The following RPL4 variants were observed in gnomAD, a reference collection of about 807,000 sequenced individuals.
RPL4 encodes the protein large ribosomal subunit protein uL4.
A neutral mutation model predicts 47.7 loss-of-function variants in RPL4; 3 were observed. That is an observed-to-expected ratio of 0.06 (90% confidence interval 0.03 to 0.16). RPL4 has a LOEUF of 0.16. Ranked by LOEUF, RPL4 falls within the 10% of genes least tolerant of loss-of-function variation. The pLI, the probability that RPL4 is intolerant of heterozygous loss-of-function variation, is 1.00. For missense variants in RPL4, 413 were observed against 551.3 expected (o/e 0.75, Z 2.51); for synonymous variants, 208 against 182.1 (o/e 1.14, Z -1.15).
rs2140718086 is a variant in RPL4, at chr15:66,503,362, T to C, written c.171A>G (p.Leu57=). The C allele has an allele frequency of 6.2e-7, 1 of 1,610,252 alleles. No homozygotes were observed. Among genetic ancestry groups the C allele is most frequent in the South Asian group, 1.1e-5 (1 of 90,994 alleles). Residue 57 remains leucine (L), a synonymous_variant, in exon 2 of 10, where the codon TTA becomes TTG. Coordinates refer to ENST00000307961, the MANE Select transcript of RPL4 (RefSeq NM_000968.4). ...GCAGAAGATATAAATCCATACCTGC[T>C]AATTCACTGACAGCATAGGGCTGTC... is the stretch of plus-strand genomic sequence containing the variant. ...NNRQPYAVSE[L]AGHQTSAESW... is the part of the protein sequence containing the mutation.
rs1386771983 is a variant in RPL4 at position 66,503,489 on chromosome 15, C to T, written c.44G>A (p.Gly15Glu). Residue 15 changes from glycine (G) to glutamate (E), a missense_variant, in exon 2 of 10, where the codon GGG becomes GAG. Coordinates refer to ENST00000307961, the MANE Select transcript of RPL4 (RefSeq NM_000968.4). ...AGTGACATTTTTGCCAGATGACTCC[C>T]CCTTTTCGGAGTACACCGATATCAG... Reference protein sequence around the residue: ...RPLISVYSEKGESSGKNVTLP... With the variant: ...RPLISVYSEKEESSGKNVTLP... 3 of 1,610,772 alleles carry T rather than the reference C, an allele frequency of 1.9e-6. No homozygotes were observed. Among genetic ancestry groups the T allele is most frequent in the African/African-American group, 2.7e-5 (2 of 74,890 alleles).
chr15:66,504,669 T>G, intron 1 of RPL4, 119 bp downstream of exon 1: 5 of 1,449,498 alleles, frequency 3.4e-6, no homozygotes, highest in Non-Finnish European at 4.7e-6. Context: ...AAAGACGCCT[T>G]TGGTCCTCAT....
chr15:66,502,166 C>T, intron 4 of RPL4: 1 of 603,748 alleles, frequency 1.7e-6, no homozygotes, highest in South Asian at 1.6e-5. Context: ...TACTAAACTA[C>T]TACTTGAATA....
At chr15:66,504,153 A>G (rs539164859) in intron 1 of RPL4, among the ~76,000 whole-genome samples, 1 of 152,188 alleles carries the variant, frequency 6.6e-6, no homozygotes, top group South Asian at 2.1e-4. Flanking sequence ...CACATCCTTC[A>G]GGCCACTTTA....
chr15:66,501,947 T>C, intron 4 of RPL4, 35 bp from the exon 5 acceptor site: 1 of 1,587,802 alleles, frequency 6.3e-7, no homozygotes, highest in Non-Finnish European at 8.6e-7. Context: ...TTGGTTATCC[T>C]GAAACTTTTG....
intron 1 of RPL4, 98 bp from the exon 2 acceptor site, chr15:66,503,627 G>A (rs1301769649): frequency 7.5e-7 from 1 of 1,330,020 alleles, no homozygotes; most frequent in South Asian, 1.6e-5. Context: ...AATTGCAGAA[G>A]AGACTGGTAT....
At position 66,500,963 on chromosome 15, in the gene RPL4, G is replaced by A; in HGVS notation, c.819C>T (p.Leu273=). 1 of 1,613,864 alleles carries A rather than the reference G, an allele frequency of 6.2e-7. No individual in the cohort carries two copies. The highest frequency in any genetic ancestry group is 1.1e-5 in the South Asian group (1 of 91,034). ...LYGTWRKAAS[L]KSNYNLPMHK... ...AAGATACTTACTTGTAGTTACTCTT[G>A]AGGGAAGCGGCTTTACGCCAAGTGC... is the stretch of plus-strand genomic sequence containing the variant. The change falls in exon 7 of 10, where the codon CTC becomes CTT. Residue 273 remains leucine, a synonymous_variant. Transcript: ENST00000307961.
rs1893613758 is a variant in RPL4 at position 66,501,477 on chromosome 15, C to T, written c.574G>A (p.Gly192Ser). 1 of 1,614,050 alleles carries T rather than the reference C, an allele frequency of 6.2e-7. No individual in the cohort carries two copies. The highest frequency in any genetic ancestry group is 1.3e-5 in the African/African-American group (1 of 74,918). The change falls in exon 6 of 10, where the codon GGC (glycine) becomes AGC (serine). Residue 192 changes from glycine (G) to serine (S), a missense_variant. Physicochemically the swap from Gly to Ser is moderately conservative, Grantham distance 56. Transcript: ENST00000307961. ...CGACGGTTTCTCATTTTGCCTTTGCCAGCTCTCATTCGCTGAGAGGCATAG... is the reference window on the plus strand; with the variant it reads ...CGACGGTTTCTCATTTTGCCTTTGCTAGCTCTCATTCGCTGAGAGGCATAG... ...KVYASQRMRA[G>S]KGKMRNRRRI...
At chr15:66,504,678 ATCTCCC>A in intron 1 of RPL4, 104 bp downstream of exon 1, 1 of 1,498,488 alleles carries the variant, frequency 6.7e-7, no homozygotes, top group South Asian at 1.2e-5. Context: ...TTTGGTCCTC[ATCTCCC>A]TCTCCTCGCT....
At chr15:66,500,767 G>C in intron 7 of RPL4, 182 bp downstream of exon 7, 1 of 697,354 alleles carries the variant, frequency 1.4e-6, no homozygotes, top group Non-Finnish European at 2.4e-6. Flanking sequence ...GGGTGAGACA[G>C]AACAACTCTG....
Position 66,501,092 on chromosome 15 carries a change from A to G in RPL4, c.690T>C (p.Leu230=). The part of the protein sequence containing the change: ...AFRNIPGITL[L]NVSKLNILKL... ...TCAAAATGTTCAGCTTGCTTACATT[A>G]AGCAGAGTAATTCCTTTTAAAGGGA... Residue 230 remains leucine, a synonymous_variant, in exon 7 of 10, where the codon CTT becomes CTC. Coordinates refer to ENST00000307961, the MANE Select transcript of RPL4 (RefSeq NM_000968.4). 4 of 1,613,594 alleles carry G rather than the reference A, an allele frequency of 2.5e-6. No individual in the cohort carries two copies. The highest frequency in any genetic ancestry group is 3.4e-6 in the Non-Finnish European group (4 of 1,179,918).
At chr15:66,501,354 A>T in intron 6 of RPL4, 21 bp downstream of exon 6, 1 of 1,614,076 alleles carries the variant, frequency 6.2e-7, no homozygotes, top group African/African-American at 1.3e-5. Context: ...CCTAGTCAAT[A>T]TATGTAAGCA....
chr15:66,502,323 T>A, intron 4 of RPL4: 1 of 408,378 alleles, frequency 2.4e-6, no homozygotes. Flanking sequence ...AAAGAAAAAG[T>A]GGGGCATTTT....
intron 7 of RPL4, 146 bp downstream of exon 7, chr15:66,500,803 A>T: frequency 1.0e-6 from 1 of 992,716 alleles, no homozygotes; most frequent in Non-Finnish European, 1.5e-6. Context: ...AAAAAACCAA[A>T]AATATAGACC....
At chr15:66,504,092 G>A (rs1308543454) in intron 1 of RPL4, among the ~76,000 whole-genome samples, 1 of 152,128 alleles carries the variant, frequency 6.6e-6, no homozygotes, top group African/African-American at 2.4e-5. Context: ...CCCAGCACTT[G>A]CCTCAGACTT....
rs1893512272 is a variant in RPL4 at position 66,498,109 on chromosome 15, G to A, written c.*1298C>T. On this transcript the variant is annotated 3_prime_UTR_variant, in exon 10 of 10. Transcript: ENST00000307961. ...CCGGGTGAACAGCACTTCCAATGTG[G>A]TGTGCCACCAAGTGGCTATCTTTAA... 4.0e-6 allele frequency: 1 copy of A among 247,192 alleles called. No individual in the cohort carries two copies. Among genetic ancestry groups the A allele is most frequent in the South Asian group, 6.6e-5 (1 of 15,068 alleles). 15.3% of individuals were successfully genotyped at this position (247,192 alleles called of 1,614,324 possible).
intron 2 of RPL4, 91 bp from the exon 3 acceptor site, chr15:66,503,255 T>A: frequency 6.3e-7 from 1 of 1,586,230 alleles, no homozygotes; most frequent in South Asian, 1.1e-5. Context: ...CATCAGAACA[T>A]CCGAGAAAAT....
chr15:66,499,357 G>C lies in RPL4; in HGVS notation c.*50C>G, dbSNP rs778069539. 6.4e-7 allele frequency: 1 copy of C among 1,561,612 alleles called. No homozygotes were observed. The highest frequency in any genetic ancestry group is 8.6e-7 in the Non-Finnish European group (1 of 1,160,724). ...TGTATAATCAGGTCTTTATTCAAAA[G>C]AAGCTGTCCAAAATGATTTGACCTT... On this transcript the variant is annotated 3_prime_UTR_variant, in exon 10 of 10. Coordinates refer to ENST00000307961, the MANE Select transcript of RPL4 (RefSeq NM_000968.4).
At position 66,498,082 on chromosome 15, in the gene RPL4, G is replaced by A. The variant is rs1015619874; in HGVS notation, c.*1325C>T. 3.5e-6 allele frequency: 1 copy of A among 286,844 alleles called. No homozygotes were observed. Among genetic ancestry groups the A allele is most frequent in the African/African-American group, 2.2e-5 (1 of 46,250 alleles). The allele number at this position is 286,844 out of a possible 1,614,324, so 17.8% of individuals were successfully genotyped here. On this transcript the variant is annotated 3_prime_UTR_variant, in exon 10 of 10. Transcript: ENST00000307961. ...CAAGTGGTCAAACACCGTTTCAAAT[G>A]ACCGGGTGAACAGCACTTCCAATGT...
Sources: allele counts gnomAD v4.1 joint callset (sites outside exome capture counted in the v4.1 genomes callset), GRCh38; gene constraint gnomAD v4.1.1; transcripts MANE v1.5; gene names NCBI Gene and HGNC (gene_info 2026-07-23, HGNC 2026-07-21).